Variants in EXOSC2 observed in about 807,000 individuals in gnomAD.
EXOSC2 encodes the protein exosome component 2.
Under a neutral mutation model 37.6 loss-of-function variants are expected in EXOSC2, and 29 were observed. That is an observed-to-expected ratio of 0.77 (90% CI 0.57 to 1.05). The LOEUF is 1.05. Ranked by LOEUF, EXOSC2 falls within the 50% of genes least tolerant of loss-of-function variation. The probability of loss-of-function intolerance (pLI) is 0.00; values close to 1 mark genes in which losing one functional copy is unlikely to be tolerated. For missense variants in EXOSC2, 346 were observed against 365.6 expected, an observed-to-expected ratio of 0.95 and a Z score of 0.44; for synonymous variants, 119 against 131.1, an observed-to-expected ratio of 0.91 and a Z score of 0.63.
In EXOSC2 at chr9:130,703,189, C is replaced by T. The variant is rs1283364648; in HGVS notation, c.801+8C>T. ...GCATCCCTTCCACATCAGGTACTCTCCCCAGGGCCTCTCCCTTCTTCACTG... is the reference window on the plus strand; with the variant it reads ...GCATCCCTTCCACATCAGGTACTCTTCCCAGGGCCTCTCCCTTCTTCACTG... On this transcript the variant is annotated splice_region_variant and intron_variant, in intron 8 of 8. Transcript: ENST00000372358. 1.9e-6 allele frequency: 3 copies of T among 1,603,866 alleles called. No individual in the cohort carries two copies. The highest frequency in any genetic ancestry group is 1.3e-5 in the African/African-American group (1 of 74,728).
chr9:130,699,756 C>T (rs1022538760), intron 5 of EXOSC2: 4 of 207,264 alleles, frequency 1.9e-5, no homozygotes, highest in African/African-American at 9.1e-5. Flanking sequence ...AATCCCAGCG[C>T]TTTGGAAGGC....
At position 130,702,381 on chromosome 9, in the gene EXOSC2, T is replaced by G. The variant is rs559426644; in HGVS notation, c.672+71T>G. On this transcript the variant is annotated intron_variant, in intron 7 of 8. Coordinates refer to ENST00000372358, the MANE Select transcript of EXOSC2 (RefSeq NM_014285.7). Reference sequence around the variant, plus strand: ...GTCTTTGCTGTGTTTTTGTGGCCAGTGAAGTTGGTTGTTTTTAGCTATGTT... The same window carrying G: ...GTCTTTGCTGTGTTTTTGTGGCCAGGGAAGTTGGTTGTTTTTAGCTATGTT... 6.5e-6 allele frequency: 9 copies of G among 1,376,590 alleles called. No individual in the cohort carries two copies. The East Asian group carries it at 2.0e-4, about 30-fold the overall frequency. 85.3% of individuals were successfully genotyped at this position (1,376,590 alleles called of 1,614,324 possible). A position where few individuals can be genotyped will look rare whatever the true frequency, so the allele number is the denominator to read the frequency against.
intron 5 of EXOSC2, 45 bp downstream of exon 5, chr9:130,699,439 G>T (rs773224500): frequency 1.3e-6 from 2 of 1,581,532 alleles, no homozygotes; most frequent in African/African-American, 1.3e-5. Context: ...TTTTCTGTGG[G>T]ACTGGGAAAT....
At chr9:130,696,578 G>C (rs1316825291) in intron 2 of EXOSC2, among the ~76,000 whole-genome samples, 2 of 151,708 alleles carry the variant, frequency 1.3e-5, no homozygotes, top group African/African-American at 4.8e-5. Context: ...AGGAGTGATT[G>C]GAATCTACAC....
intron 7 of EXOSC2, 41 bp downstream of exon 7, chr9:130,702,351 G>C (rs1225599120): frequency 1.9e-6 from 3 of 1,559,022 alleles, no homozygotes; most frequent in Non-Finnish European, 2.6e-6. Flanking sequence ...GATGGAGGGG[G>C]CTCAGTCTTT....
rs1831073573 is a variant in EXOSC2 at position 130,695,529 on chromosome 9, G to C, written c.160G>C (p.Ala54Pro). The C allele has an allele frequency of 5.0e-6, 8 of 1,614,204 alleles. No homozygotes were observed. The highest frequency in any genetic ancestry group is 5.9e-6 in the Non-Finnish European group (7 of 1,180,028). The change falls in exon 2 of 9, where the codon GCA becomes CCA. Residue 54 changes from alanine (A) to proline (P), a missense_variant. Coordinates refer to ENST00000372358, the MANE Select transcript of EXOSC2 (RefSeq NM_014285.7). ...GTATATGGGAGAAGAGAAGCTCATT[G>C]CATCTGTTGCTGGCTCTGTGGAGAG... ...GTYMGEEKLI[A>P]SVAGSVERVN...
At chr9:130,703,007 T>G in intron 7 of EXOSC2, 46 bp from the exon 8 acceptor site, 1 of 1,586,474 alleles carries the variant, frequency 6.3e-7, no homozygotes, top group Non-Finnish European at 8.6e-7. Flanking sequence ...GTCACGTATT[T>G]TGGTCCTGTT....
At chr9:130,701,468 T>G (rs1470594088) in intron 6 of EXOSC2, 2 of 344,856 alleles carry the variant, frequency 5.8e-6, no homozygotes, top group Non-Finnish European at 8.2e-6. Flanking sequence ...TAAAACAAAT[T>G]AGGATTTACT....
At chr9:130,699,437 G>A in intron 5 of EXOSC2, 43 bp downstream of exon 5, 1 of 1,583,890 alleles carries the variant, frequency 6.3e-7, no homozygotes, top group Non-Finnish European at 8.7e-7. Flanking sequence ...GCTTTTCTGT[G>A]GGACTGGGAA....
chr9:130,695,317 G>T (rs768823088), intron 1 of EXOSC2, among the ~76,000 whole-genome samples, 175 bp from the exon 2 acceptor site: 1 of 152,172 alleles, frequency 6.6e-6, no homozygotes, highest in Non-Finnish European at 1.5e-5. Context: ...TGAGAGGAGT[G>T]ATGTCCAAGT....
chr9:130,699,694 T>G (rs1002998205), intron 5 of EXOSC2: 8 of 363,304 alleles, frequency 2.2e-5, no homozygotes, highest in African/African-American at 1.4e-4. Flanking sequence ...GGAGAAGGTG[T>G]TGTTCACGTC....
At position 130,698,046 on chromosome 9, in the gene EXOSC2, G is replaced by A. The variant is rs187536599; in HGVS notation, c.271-116G>A. On this transcript the variant is annotated intron_variant, in intron 3 of 8. Coordinates refer to ENST00000372358, the MANE Select transcript of EXOSC2 (RefSeq NM_014285.7). This position sits in a 1 kb window ranked among gnomAD's most constrained non-coding sequence, Gnocchi z 4.1. ...TGACCTCAAGTGATCCACCAGCTTC[G>A]GCCTCCCAAAGTGCTGGGATTACAG... is the stretch of plus-strand genomic sequence containing the variant. The A allele has an allele frequency of 1.0e-4, 93 of 893,052 alleles. 1 individual carries two copies. In the Middle Eastern group the frequency reaches 2.3e-3, roughly 22 times the overall value. The allele number at this position is 893,052 out of a possible 1,614,324, so 55.3% of individuals were successfully genotyped here.
rs544417118 is a variant in EXOSC2 at position 130,698,305 on chromosome 9, G to T, written c.360+54G>T. 2.0e-6 allele frequency: 3 copies of T among 1,525,226 alleles called. No homozygotes were observed. Among genetic ancestry groups the T allele is most frequent in the East Asian group, 4.5e-5 (2 of 44,390 alleles). The allele number at this position is 1,525,226 out of a possible 1,614,324, so 94.5% of individuals were successfully genotyped here. On this transcript the variant is annotated intron_variant, in intron 4 of 8. Coordinates refer to ENST00000372358, the MANE Select transcript of EXOSC2 (RefSeq NM_014285.7). This position sits in a 1 kb window ranked among gnomAD's most constrained non-coding sequence, Gnocchi z 4.1. ...AGGGCCCAGTGGGCTGGGGGGAGCC[G>T]TGGGACCCTTTGTTCCACCAGAGGA...
chr9:130,703,853 C>A lies in EXOSC2; in HGVS notation c.*79C>A. 1.7e-6 allele frequency: 2 copies of A among 1,176,560 alleles called. No homozygotes were observed. Among genetic ancestry groups the A allele is most frequent in the Admixed American group, 2.1e-5 (1 of 47,908 alleles). The allele number at this position is 1,176,560 out of a possible 1,614,324, so 72.9% of individuals were successfully genotyped here. A position where few individuals can be genotyped will look rare whatever the true frequency, so the allele number is the denominator to read the frequency against. ...TGTGTGGTCCCCATATGTGGCTCAG[C>A]AAAGACTCGAGAGATCATCCCTTTG... On this transcript the variant is annotated 3_prime_UTR_variant, in exon 9 of 9. Transcript: ENST00000372358.
intron 7 of EXOSC2, 57 bp from the exon 8 acceptor site, chr9:130,702,996 G>T: frequency 1.9e-6 from 3 of 1,570,872 alleles, no homozygotes; most frequent in Non-Finnish European, 2.6e-6. Flanking sequence ...TTCTGTGGCT[G>T]GTCACGTATT....
rs139351629 is a variant in EXOSC2, at chr9:130,694,883, T to A, written c.123-609T>A. On this transcript the variant is annotated intron_variant, in intron 1 of 8. Coordinates refer to ENST00000372358, the MANE Select transcript of EXOSC2 (RefSeq NM_014285.7). This position sits in a 1 kb window ranked among gnomAD's most constrained non-coding sequence, Gnocchi z 4.0. Reference sequence around the variant, plus strand: ...ATGCCTAGCTAATTTTTGGTTTTTTTTTTTTTTAGTAGAGACAGGGTTTCA... The same window carrying A: ...ATGCCTAGCTAATTTTTGGTTTTTTATTTTTTTAGTAGAGACAGGGTTTCA... Among the ~76,000 whole-genome samples, 659 of 151,826 alleles carry A rather than the reference T, an allele frequency of 4.3e-3. 3 individuals are homozygous for A. The highest frequency in any genetic ancestry group is 0.015 in the African/African-American group (603 of 41,388).
chr9:130,702,947 G>A (rs893362053), intron 7 of EXOSC2, 106 bp from the exon 8 acceptor site: 1 of 1,359,162 alleles, frequency 7.4e-7, no homozygotes, highest in African/African-American at 1.4e-5. Flanking sequence ...GGAGTTCCAG[G>A]GTGATACTGT....
Position 130,694,001 on chromosome 9 carries a change from T to TAAC in EXOSC2, c.122+89_122+91dup, listed in dbSNP as rs1831038584. 1 of 1,452,808 alleles carries TAAC rather than the reference T, an allele frequency of 6.9e-7. No homozygotes were observed. Among genetic ancestry groups the TAAC allele is most frequent in the African/African-American group, 1.4e-5 (1 of 70,124 alleles). The allele number at this position is 1,452,808 out of a possible 1,614,324, so 90.0% of individuals were successfully genotyped here. On this transcript the variant is annotated intron_variant, in intron 1 of 8. Coordinates refer to ENST00000372358, the MANE Select transcript of EXOSC2 (RefSeq NM_014285.7). This position sits in a 1 kb window ranked among gnomAD's most constrained non-coding sequence, Gnocchi z 4.0. The stretch of plus-strand genomic sequence containing the variant: ...TCCAGGCCTCGTATCCCTGTGTGTG[T>TAAC]AACTCCCCGCGGGACCCAGGGCACT...
At position 130,700,948 on chromosome 9, in the gene EXOSC2, C is replaced by T. The variant is rs1425443136; in HGVS notation, c.495+13C>T. 1 of 1,613,512 alleles carries T rather than the reference C, an allele frequency of 6.2e-7. No homozygotes were observed. The highest frequency in any genetic ancestry group is 8.5e-7 in the Non-Finnish European group (1 of 1,179,654). On this transcript the variant is annotated intron_variant, in intron 6 of 8. Coordinates refer to ENST00000372358, the MANE Select transcript of EXOSC2 (RefSeq NM_014285.7). ...GAAATATGGAAAAGTAAGTCGGGCT[C>T]TTGATGTTCCTGTTTGCTGACTGAG...
Sources: allele counts gnomAD v4.1 joint callset (sites outside exome capture counted in the v4.1 genomes callset), GRCh38; gene constraint gnomAD v4.1.1; non-coding constraint Gnocchi (gnomAD v3.1); transcripts MANE v1.5; gene names NCBI Gene and HGNC (gene_info 2026-07-23, HGNC 2026-07-21).